The following FAM3D variants were observed in gnomAD, a reference collection of about 807,000 sequenced individuals.
FAM3D encodes FAM3 metabolism regulating signaling molecule D, also known as protein FAM3D.
A neutral mutation model predicts 29.8 loss-of-function variants in FAM3D; 26 were observed. The ratio of observed to expected loss-of-function variants is 0.87; its 90% CI spans 0.64 to 1.21. The LOEUF (loss-of-function observed/expected upper bound fraction) is 1.21, where lower values mean the gene tolerates loss of function less well. FAM3D is among the 50% of genes most tolerant of loss of function. The pLI, the probability that FAM3D is intolerant of heterozygous loss-of-function variation, is 0.00. For synonymous variants in FAM3D, 115 were observed against 102.3 expected, an observed-to-expected ratio of 1.12 and a Z score of -0.75; for missense variants, 253 against 290.9, an observed-to-expected ratio of 0.87 and a Z score of 0.95.
chr3:58,649,954 G>C (rs2066587193), intron 3 of FAM3D, among the ~76,000 whole-genome samples: 1 of 152,226 alleles, frequency 6.6e-6, no homozygotes, highest in South Asian at 2.1e-4. Flanking sequence ...CCTGGCCCCT[G>C]GGCCCCAGTG....
chr3:58,657,206 T>C (rs1360116209), intron 1 of FAM3D, among the ~76,000 whole-genome samples: 1 of 151,890 alleles, frequency 6.6e-6, no homozygotes, highest in Non-Finnish European at 1.5e-5. Flanking sequence ...AGGAACCCCA[T>C]GTTAGAGGAG....
At position 58,634,736 on chromosome 3, in the gene FAM3D, C is replaced by A. The variant is rs897455770; in HGVS notation, c.586-368G>T. Among the ~76,000 whole-genome samples, 3 of 152,154 alleles carry A rather than the reference C, an allele frequency of 2.0e-5. No homozygotes were observed. Among genetic ancestry groups the A allele is most frequent in the African/African-American group, 7.2e-5 (3 of 41,412 alleles). On this transcript the variant is annotated intron_variant, in intron 9 of 9. Transcript: ENST00000358781. This position sits in a 1 kb window ranked among gnomAD's most constrained non-coding sequence, Gnocchi z 4.6. ...TATGCCACGTGGTGTTCTGCAGGGCCTTATGTATTTAATCTGCACAGTGGC... is the reference window on the plus strand; with the variant it reads ...TATGCCACGTGGTGTTCTGCAGGGCATTATGTATTTAATCTGCACAGTGGC...
chr3:58,652,527 T>C (rs2106877978), intron 3 of FAM3D, among the ~76,000 whole-genome samples: 1 of 149,278 alleles, frequency 6.7e-6, no homozygotes, highest in East Asian at 2.0e-4. Context: ...CATCCACCCA[T>C]CCATCTACTC....
At chr3:58,649,191 C>T in intron 4 of FAM3D, 124 bp downstream of exon 4, 1 of 1,220,338 alleles carries the variant, frequency 8.2e-7, no homozygotes, top group Non-Finnish European at 1.1e-6. Context: ...ATCAGGAAGC[C>T]CAGGTTTCTC....
intron 4 of FAM3D, among the ~76,000 whole-genome samples, chr3:58,647,265 G>C (rs189925383): frequency 2.8e-4 from 43 of 152,368 alleles, no homozygotes; most frequent in African/African-American, 4.1e-4. Context: ...GTTCAGGAGA[G>C]AGTGGGTATC....
intron 3 of FAM3D, among the ~76,000 whole-genome samples, chr3:58,650,392 G>T (rs1241106656): frequency 6.6e-6 from 1 of 152,132 alleles, no homozygotes; most frequent in East Asian, 1.9e-4. Context: ...TACATAGTTG[G>T]TGGGGGCAGG....
intron 1 of FAM3D, among the ~76,000 whole-genome samples, chr3:58,662,116 A>T (rs1285895601): frequency 1.3e-5 from 2 of 151,792 alleles, no homozygotes; most frequent in Admixed American, 6.6e-5. Context: ...TGTTTTCCCC[A>T]GAGAGGACAA....
chr3:58,660,096 T>C (rs2066903249), intron 1 of FAM3D, among the ~76,000 whole-genome samples: 1 of 152,034 alleles, frequency 6.6e-6, no homozygotes, highest in African/African-American at 2.4e-5. Context: ...TCTACAGAGA[T>C]AGTGACAGGG....
intron 1 of FAM3D, among the ~76,000 whole-genome samples, chr3:58,660,291 G>C (rs1255209966): frequency 6.6e-6 from 1 of 152,164 alleles, no homozygotes; most frequent in African/African-American, 2.4e-5. Context: ...GAAGCAGGGG[G>C]TGTGCAACCC....
chr3:58,641,863 A>G (rs1457884024), intron 6 of FAM3D, among the ~76,000 whole-genome samples: 1 of 152,208 alleles, frequency 6.6e-6, no homozygotes, highest in African/African-American at 2.4e-5. Flanking sequence ...GTCTGGGGCC[A>G]TCTCATTGGA....
At chr3:58,649,410 G>A (rs780181268) in intron 3 of FAM3D, 72 bp from the exon 4 acceptor site, 525 of 1,587,632 alleles carry the variant, frequency 3.3e-4, no homozygotes, top group Non-Finnish European at 4.3e-4. Context: ...GTTGGGGGCT[G>A]GGGGCTGGGG....
In FAM3D at chr3:58,652,207, T is replaced by C. The variant is rs145036876; in HGVS notation, c.121+1467A>G. ...AGAGGAACTTGGGTGAGTTTTTAAA[T>C]CTCCTCAAGCTTCTGTTTTCTCAGA... On this transcript the variant is annotated intron_variant, in intron 3 of 9. Transcript: ENST00000358781. Among the ~76,000 whole-genome samples, 397 of 152,288 alleles carry C rather than the reference T, an allele frequency of 2.6e-3. 2 individuals are homozygous for C. Among genetic ancestry groups the C allele is most frequent in the African/African-American group, 9.0e-3 (375 of 41,552 alleles).
intron 2 of FAM3D, 94 bp from the exon 3 acceptor site, chr3:58,653,875 G>A (rs1575488031): frequency 1.1e-6 from 1 of 926,696 alleles, no homozygotes; most frequent in African/African-American, 1.6e-5. Flanking sequence ...CAGACCCCAT[G>A]CTATAGGCTC....
At chr3:58,652,069 C>G (rs2066652505) in intron 3 of FAM3D, among the ~76,000 whole-genome samples, 1 of 152,158 alleles carries the variant, frequency 6.6e-6, no homozygotes, top group African/African-American at 2.4e-5. Flanking sequence ...GGTTCTTGGT[C>G]TTCAAGCGGG....
intron 4 of FAM3D, 62 bp from the exon 5 acceptor site, chr3:58,645,688 AGGGG>A: frequency 7.0e-7 from 1 of 1,432,842 alleles, no homozygotes; most frequent in Non-Finnish European, 9.8e-7. Flanking sequence ...GGGGAGAAGG[AGGGG>A]AGGGCCAGGG....
At chr3:58,652,997 T>C (rs1433819784) in intron 3 of FAM3D, among the ~76,000 whole-genome samples, 2 of 149,968 alleles carry the variant, frequency 1.3e-5, no homozygotes, top group Admixed American at 6.7e-5. Context: ...TTTTCACTCA[T>C]CAAATGTTTA....
intron 9 of FAM3D, 87 bp downstream of exon 9, chr3:58,636,207 C>T (rs1030984348): frequency 6.5e-7 from 1 of 1,537,744 alleles, no homozygotes; most frequent in Non-Finnish European, 8.8e-7. Flanking sequence ...TTTTAAGGCC[C>T]CTGGGAGGTG....
At chr3:58,648,236 A>G (rs4681887) in intron 4 of FAM3D, among the ~76,000 whole-genome samples, 97,213 of 152,074 alleles carry the variant, frequency 0.64, 31,953 homozygotes, top group South Asian at 0.77. Context: ...AAGGGTGTGG[A>G]GGTGAATGAT....
intron 1 of FAM3D, among the ~76,000 whole-genome samples, chr3:58,665,283 C>T (rs2067008474): frequency 6.6e-6 from 1 of 152,022 alleles, no homozygotes; most frequent in Non-Finnish European, 1.5e-5. Flanking sequence ...CTTCCACCAC[C>T]AGCTACTACC....
Sources: allele counts gnomAD v4.1 joint callset (sites outside exome capture counted in the v4.1 genomes callset), GRCh38; gene constraint gnomAD v4.1.1; non-coding constraint Gnocchi (gnomAD v3.1); transcripts MANE v1.5; gene names NCBI Gene and HGNC (gene_info 2026-07-23, HGNC 2026-07-21).